Variants in ZNF804B observed in about 807,000 individuals in gnomAD.
ZNF804B encodes the protein zinc finger protein 804B, also known as zinc finger 804B.
ZNF804B carries 80 observed loss-of-function variants against 101.4 expected under a neutral mutation model. The ratio of observed to expected loss-of-function variants is 0.79; its 90% CI spans 0.66 to 0.95. The LOEUF is 0.95. Among genes scored for constraint, ZNF804B ranks in the 40% least tolerant of loss-of-function variants. The pLI, the probability that ZNF804B is intolerant of heterozygous loss-of-function variation, is 0.00. For missense variants in ZNF804B, 1,673 were observed against 1,561.9 expected (o/e 1.07, Z -1.20); for synonymous variants, 622 against 558.8 (o/e 1.11, Z -1.59).
At chr7:88,911,764 T>C (rs949192097) in intron 1 of ZNF804B, among the ~76,000 whole-genome samples, 3 of 151,810 alleles carry the variant, frequency 2.0e-5, no homozygotes, top group African/African-American at 7.2e-5. Flanking sequence ...GATTAGAACA[T>C]TTTCATCACT....
chr7:88,982,506 T>C (rs1194575606), intron 1 of ZNF804B, among the ~76,000 whole-genome samples: 2 of 152,084 alleles, frequency 1.3e-5, no homozygotes, highest in Non-Finnish European at 2.9e-5. Flanking sequence ...TAATGGGGCC[T>C]CTCTCTTTGG....
At position 89,336,637 on chromosome 7, in the gene ZNF804B, G is replaced by A. The variant is rs1391122945; in HGVS notation, c.3655G>A (p.Val1219Ile). Residue 1219 changes from valine (V) to isoleucine (I), a missense_variant, in exon 4 of 4, where the codon GTT becomes ATT. Transcript: ENST00000333190. ...CCACACGTTCCTGCAGCATTTTGCTGTTTCTGCTTCCTTAAGTTCTCATAG... is the reference window on the plus strand; with the variant it reads ...CCACACGTTCCTGCAGCATTTTGCTATTTCTGCTTCCTTAAGTTCTCATAG... ...IHHTFLQHFAVSASLSSHSSH... is the reference protein window; with the variant it reads ...IHHTFLQHFAISASLSSHSSH... The A allele has an allele frequency of 5.0e-6, 8 of 1,613,908 alleles. No homozygotes were observed. In the East Asian group the frequency reaches 8.9e-5, roughly 18 times the overall value.
Position 88,936,101 on chromosome 7 carries a change from CTTT to C in ZNF804B, c.108+176026_108+176028del, listed in dbSNP as rs111880138. ...CTCCTTCCTTCCTTCATCTTTCTTC[CTTT>C]TTTTTTTTAAAAAAAATAACATATG... On this transcript the variant is annotated intron_variant, in intron 1 of 3. Transcript: ENST00000333190. Among the ~76,000 whole-genome samples, 1,116 of 143,674 alleles carry C rather than the reference CTTT, an allele frequency of 7.8e-3. 5 individuals carry two copies. The highest frequency in any genetic ancestry group is 9.9e-3 in the African/African-American group (383 of 38,794). The allele number at this position is 143,674 out of a possible 152,430, so 94.3% of individuals were successfully genotyped here. A position where few individuals can be genotyped will look rare whatever the true frequency, so the allele number is the denominator to read the frequency against.
At chr7:89,213,553 C>G (rs1788837821) in intron 1 of ZNF804B, among the ~76,000 whole-genome samples, 1 of 152,218 alleles carries the variant, frequency 6.6e-6, no homozygotes, top group Non-Finnish European at 1.5e-5. Flanking sequence ...GTACCCATCT[C>G]TCAGCTTCAA....
intron 1 of ZNF804B, among the ~76,000 whole-genome samples, chr7:88,862,194 T>C (rs886895655): frequency 2.0e-5 from 3 of 152,194 alleles, no homozygotes; most frequent in African/African-American, 7.2e-5. Context: ...TTTTAAACTT[T>C]CTTTGAACAT....
chr7:88,878,495 A>G (rs1436231820), intron 1 of ZNF804B, among the ~76,000 whole-genome samples: 1 of 152,192 alleles, frequency 6.6e-6, no homozygotes, highest in East Asian at 1.9e-4. Flanking sequence ...TGTCTGCCTG[A>G]TGAGAATGGT....
chr7:88,894,191 G>T (rs1792251948), intron 1 of ZNF804B, among the ~76,000 whole-genome samples: 1 of 151,668 alleles, frequency 6.6e-6, no homozygotes, highest in Non-Finnish European at 1.5e-5. Flanking sequence ...GGGCTTCAAT[G>T]AGTTAAATTT....
At position 89,332,017 on chromosome 7, in the gene ZNF804B, C is replaced by T. The variant is rs577979367; in HGVS notation, c.381-1346C>T. 2.0e-5 allele frequency among the ~76,000 whole-genome samples: 3 copies of T among 151,108 alleles called. No homozygotes were observed. The East Asian group carries it at 5.8e-4, about 29-fold the overall frequency. On this transcript the variant is annotated intron_variant, in intron 3 of 3. Transcript: ENST00000333190. ...ATACATATATGTATATATTAATATA[C>T]ATGTATATATACTCTTTATGTAACA... is the stretch of plus-strand genomic sequence containing the variant.
intron 1 of ZNF804B, among the ~76,000 whole-genome samples, chr7:89,124,744 A>G (rs745537162): frequency 2.6e-5 from 4 of 152,154 alleles, no homozygotes; most frequent in Non-Finnish European, 5.9e-5. Flanking sequence ...AAAGGTCAAT[A>G]GAGACTTGTG....
At chr7:89,051,363 A>C (rs934985693) in intron 1 of ZNF804B, among the ~76,000 whole-genome samples, 1 of 152,186 alleles carries the variant, frequency 6.6e-6, no homozygotes, top group Non-Finnish European at 1.5e-5. Flanking sequence ...AATTGATACT[A>C]TTACCAAGTG....
At chr7:89,236,923 G>A (rs1316605405) in intron 2 of ZNF804B, among the ~76,000 whole-genome samples, 1 of 151,964 alleles carries the variant, frequency 6.6e-6, no homozygotes, top group East Asian at 1.9e-4. Context: ...TGAAACATTA[G>A]GAAAGATTAA....
chr7:88,949,953 T>C (rs148464206), intron 1 of ZNF804B, among the ~76,000 whole-genome samples: 1 of 152,086 alleles, frequency 6.6e-6, no homozygotes, highest in African/African-American at 2.4e-5. Flanking sequence ...GTTCACACAA[T>C]GGCAAGTTTG....
Position 89,103,048 on chromosome 7 carries a change from G to GTTTT in ZNF804B, c.109-115075_109-115072dup, listed in dbSNP as rs56693128. 3.5e-3 allele frequency among the ~76,000 whole-genome samples: 119 copies of GTTTT among 33,748 alleles called. 20 individuals carry two copies. The highest frequency in any genetic ancestry group is 9.1e-3 in the East Asian group (6 of 660). 22.1% of individuals were successfully genotyped at this position (33,748 alleles called of 152,430 possible). On this transcript the variant is annotated intron_variant, in intron 1 of 3. Transcript: ENST00000333190. ...TTCTATTCCATTGACCTATGTGTCT[G>GTTTT]TTTTTTTTTTTTTTTTTTTTTTTTT... is the stretch of plus-strand genomic sequence containing the variant.
rs932750013 is a variant in ZNF804B, at chr7:88,875,809, A to G, written c.108+115725A>G. ...GAGGGAATCCTCGCTAACTCATTTT[A>G]TGAGGCCAGCATCGTCCTGATACTA... is the stretch of plus-strand genomic sequence containing the variant. On this transcript the variant is annotated intron_variant, in intron 1 of 3. Coordinates refer to ENST00000333190, the MANE Select transcript of ZNF804B (RefSeq NM_181646.5). 9.2e-5 allele frequency among the ~76,000 whole-genome samples: 14 copies of G among 152,324 alleles called. 1 individual carries two copies. Among genetic ancestry groups the G allele is most frequent in the African/African-American group, 2.6e-4 (11 of 41,552 alleles).
intron 1 of ZNF804B, among the ~76,000 whole-genome samples, chr7:88,854,535 C>CCTTCCCTTCCCTTCCCT: frequency 1.4e-5 from 1 of 72,298 alleles, no homozygotes; most frequent in Non-Finnish European, 2.5e-5. Flanking sequence ...CCTTTCCTTC[C>CCTTCCCTTCCCTTCCCT]TTCCTTCCTT....
intron 1 of ZNF804B, among the ~76,000 whole-genome samples, chr7:89,215,885 AAATAAATAAATAAAT>A (rs1562918592): frequency 3.4e-4 from 46 of 135,128 alleles, no homozygotes; most frequent in Non-Finnish European, 4.1e-4. Flanking sequence ...CTCCGTCTCT[AAATAAATAAATAAAT>A]AAATAAATAA....
At chr7:89,317,231 A>T (rs1790747203) in intron 2 of ZNF804B, among the ~76,000 whole-genome samples, 1 of 152,222 alleles carries the variant, frequency 6.6e-6, no homozygotes, top group South Asian at 2.1e-4. Flanking sequence ...AGAGAAGAAG[A>T]CAAAGGTTTT....
intron 2 of ZNF804B, among the ~76,000 whole-genome samples, chr7:89,311,072 C>T (rs557310329): frequency 6.6e-6 from 1 of 152,000 alleles, no homozygotes; most frequent in Non-Finnish European, 1.5e-5. Flanking sequence ...AATAAAGATT[C>T]CCTTAAGACC....
At chr7:89,256,856 T>C (rs1315612085) in intron 2 of ZNF804B, among the ~76,000 whole-genome samples, 1 of 152,234 alleles carries the variant, frequency 6.6e-6, no homozygotes, top group Admixed American at 6.5e-5. Context: ...TTTATGGCAC[T>C]AGCAGCTGGT....
Sources: gnomAD v4.1 joint callset for allele counts (sites outside exome capture counted in the v4.1 genomes callset) on GRCh38, gnomAD v4.1.1 for gene constraint, MANE v1.5 for transcripts, NCBI Gene and HGNC (gene_info 2026-07-23, HGNC 2026-07-21) for gene names.